The following MYRIP variants were observed in gnomAD, a reference collection of about 807,000 sequenced individuals.
MYRIP encodes the protein myosin VIIA and Rab interacting protein.
MYRIP carries 49 observed loss-of-function variants against 98.0 expected under a neutral mutation model. The ratio of observed to expected loss-of-function variants is 0.50; its 90% CI spans 0.40 to 0.63. MYRIP has a LOEUF of 0.63. Ranked by LOEUF, MYRIP falls within the 30% of genes least tolerant of loss-of-function variation. The pLI, the probability that MYRIP is intolerant of heterozygous loss-of-function variation, is 0.00. For synonymous variants in MYRIP, 404 were observed against 409.5 expected (o/e 0.99, Z 0.16); for missense variants, 1,004 against 1,058.2 (o/e 0.95, Z 0.71).
intron 1 of MYRIP, among the ~76,000 whole-genome samples, chr3:39,871,911 T>C (rs189800168): frequency 8.5e-5 from 13 of 152,078 alleles, no homozygotes; most frequent in African/African-American, 2.9e-4. Context: ...CTATAATATA[T>C]ATAAAATATA....
intron 8 of MYRIP, among the ~76,000 whole-genome samples, chr3:40,172,406 G>A (rs932811871): frequency 3.9e-5 from 6 of 152,180 alleles, no homozygotes; most frequent in African/African-American, 1.4e-4. Context: ...GCTACAGGGG[G>A]AATGGCATGC....
chr3:40,134,640 G>A (rs1242330422), intron 3 of MYRIP, among the ~76,000 whole-genome samples: 1 of 152,210 alleles, frequency 6.6e-6, no homozygotes, highest in Non-Finnish European at 1.5e-5. Flanking sequence ...CCCCAGTAGG[G>A]GCGGACTGAT....
chr3:40,033,653 AT>A (rs770051986), intron 2 of MYRIP, among the ~76,000 whole-genome samples: 33 of 152,342 alleles, frequency 2.2e-4, no homozygotes, highest in Non-Finnish European at 3.8e-4. Flanking sequence ...GCCCAAGGTA[AT>A]TTATAGATTC....
intron 16 of MYRIP, among the ~76,000 whole-genome samples, chr3:40,257,080 C>CTT (rs773548529): frequency 2.6e-5 from 4 of 152,202 alleles, no homozygotes; most frequent in Non-Finnish European, 4.4e-5. Flanking sequence ...AATTCCAGCA[C>CTT]TTTGGGAGAC....
intron 2 of MYRIP, among the ~76,000 whole-genome samples, chr3:40,006,957 C>A (rs9311229): frequency 1.3e-5 from 2 of 151,996 alleles, no homozygotes; most frequent in Non-Finnish European, 2.9e-5. Flanking sequence ...CTGCTGGGCT[C>A]GGGCAATCCT....
chr3:39,988,327 T>C (rs1283253094), intron 2 of MYRIP, among the ~76,000 whole-genome samples: 1 of 151,852 alleles, frequency 6.6e-6, no homozygotes, highest in Admixed American at 6.6e-5. Flanking sequence ...AAAAAAAAGA[T>C]TGTTGAATAT....
chr3:39,927,613 C>G (rs1247078485), intron 2 of MYRIP, among the ~76,000 whole-genome samples: 1 of 151,976 alleles, frequency 6.6e-6, no homozygotes, highest in African/African-American at 2.4e-5. Context: ...TTCTGCCAGA[C>G]ATACAGAGAA....
intron 11 of MYRIP, among the ~76,000 whole-genome samples, chr3:40,223,184 T>C (rs1952385024): frequency 6.6e-6 from 1 of 152,308 alleles, no homozygotes; most frequent in African/African-American, 2.4e-5. Context: ...TTTAATGCAA[T>C]GCAAATCAAA....
intron 2 of MYRIP, among the ~76,000 whole-genome samples, chr3:40,034,900 A>T (rs933230480): frequency 6.6e-6 from 1 of 151,968 alleles, no homozygotes; most frequent in Non-Finnish European, 1.5e-5. Flanking sequence ...GCCATAAAAA[A>T]GGATGAGTTC....
intron 2 of MYRIP, among the ~76,000 whole-genome samples, chr3:39,962,624 G>T (rs1945349355): frequency 6.6e-6 from 1 of 152,018 alleles, no homozygotes; most frequent in African/African-American, 2.4e-5. Flanking sequence ...GAGATTCAAG[G>T]GCTGTAGTGC....
chr3:39,888,057 T>A (rs1943359891), intron 1 of MYRIP, among the ~76,000 whole-genome samples: 1 of 151,882 alleles, frequency 6.6e-6, no homozygotes, highest in Admixed American at 6.6e-5. Flanking sequence ...GAACATTCCA[T>A]GCTCATGGGT....
At chr3:40,118,445 A>G (rs978376056) in intron 3 of MYRIP, among the ~76,000 whole-genome samples, 2 of 152,224 alleles carry the variant, frequency 1.3e-5, no homozygotes, top group Non-Finnish European at 2.9e-5. Context: ...GAAACAATCT[A>G]GATGCTAATC....
intron 13 of MYRIP, chr3:40,248,264 G>A (rs1953265241): frequency 6.6e-6 from 1 of 152,158 alleles, no homozygotes; most frequent in South Asian, 2.1e-4. Context: ...GCATGCTAAG[G>A]GTGCTGTCCA....
At chr3:39,911,187 A>G (rs1944012588) in intron 2 of MYRIP, among the ~76,000 whole-genome samples, 2 of 152,218 alleles carry the variant, frequency 1.3e-5, no homozygotes, top group Admixed American at 6.5e-5. Context: ...TTCAAAATTT[A>G]TATCACATCT....
chr3:39,838,077 T>C (rs1275242994), intron 1 of MYRIP, among the ~76,000 whole-genome samples: 2 of 152,248 alleles, frequency 1.3e-5, no homozygotes, highest in African/African-American at 2.4e-5. Flanking sequence ...TCTGAGACTT[T>C]GCTGAAGTTG....
At chr3:40,023,550 C>T (rs1947051184) in intron 2 of MYRIP, among the ~76,000 whole-genome samples, 1 of 152,164 alleles carries the variant, frequency 6.6e-6, no homozygotes, top group African/African-American at 2.4e-5. Context: ...GGGACCCCCA[C>T]TGCAAGAAGG....
intron 2 of MYRIP, among the ~76,000 whole-genome samples, chr3:39,916,854 A>G (rs1944175952): frequency 6.6e-6 from 1 of 152,178 alleles, no homozygotes; most frequent in African/African-American, 2.4e-5. Flanking sequence ...TAAACAATAA[A>G]GTAACTCCTA....
At chr3:39,997,154 C>G (rs113879930) in intron 2 of MYRIP, among the ~76,000 whole-genome samples, 15,319 of 151,912 alleles carry the variant, frequency 0.1, 1,339 homozygotes, top group African/African-American at 0.23. Context: ...ACATTCAAAA[C>G]CTAGCAGAAG....
intron 1 of MYRIP, among the ~76,000 whole-genome samples, chr3:39,881,566 C>G (rs1309070190): frequency 6.6e-6 from 1 of 152,130 alleles, no homozygotes; most frequent in Non-Finnish European, 1.5e-5. Context: ...CCTCAATGTT[C>G]TTGATGTCGA....
Sources: gnomAD v4.1 joint callset for allele counts (sites outside exome capture counted in the v4.1 genomes callset) on GRCh38, gnomAD v4.1.1 for gene constraint, MANE v1.5 for transcripts, NCBI Gene and HGNC (gene_info 2026-07-23, HGNC 2026-07-21) for gene names.